The following RHBDF1 variants were observed in gnomAD, a reference collection of about 807,000 sequenced individuals.
The protein encoded by RHBDF1 is inactive rhomboid protein 1.
RHBDF1 carries 80 observed loss-of-function variants against 98.6 expected under a neutral mutation model. That is an observed-to-expected ratio of 0.81 (90% CI 0.68 to 0.98). The LOEUF is 0.98. RHBDF1 is among the 50% of genes least tolerant of loss of function. The probability of loss-of-function intolerance (pLI) is 0.00; values close to 1 mark genes in which losing one functional copy is unlikely to be tolerated. For missense variants in RHBDF1, 1,116 were observed against 1,198.3 expected (o/e 0.93, Z 1.01); for synonymous variants, 512 against 486.8 (o/e 1.05, Z -0.68).
chr16:61,358 C>A, intron 10 of RHBDF1, 27 bp downstream of exon 10: 1 of 1,559,652 alleles, frequency 6.4e-7, no homozygotes, highest in Non-Finnish European at 8.7e-7. Flanking sequence ...CCGCCCCCGC[C>A]GGCCCCGCCC....
chr16:71,039 C>T (rs957893298), intron 1 of RHBDF1, among the ~76,000 whole-genome samples: 1 of 152,294 alleles, frequency 6.6e-6, no homozygotes, highest in Admixed American at 6.5e-5. Flanking sequence ...ACTGGGGGTG[C>T]CCTGGGCAGG....
intron 15 of RHBDF1, 33 bp downstream of exon 15, chr16:59,386 G>A (rs1271077819): frequency 1.2e-6 from 2 of 1,612,538 alleles, no homozygotes; most frequent in Middle Eastern, 1.7e-4. Context: ...CAGTAGCTGG[G>A]GGAGGGGAAC....
intron 1 of RHBDF1, among the ~76,000 whole-genome samples, chr16:71,489 G>C (rs982826972): frequency 6.6e-6 from 1 of 152,180 alleles, no homozygotes. Context: ...GAGGAGAACC[G>C]AGCCTGGGAC....
chr16:59,481 A>G lies in RHBDF1; in HGVS notation c.1831T>C (p.Ser611Pro), dbSNP rs1385522076. 6.2e-7 allele frequency: 1 copy of G among 1,613,290 alleles called. No homozygotes were observed. The highest frequency in any genetic ancestry group is 8.5e-7 in the Non-Finnish European group (1 of 1,179,890). The change falls in exon 15 of 18, where the codon TCC (serine) becomes CCC (proline). Residue 611 changes from serine to proline, a missense_variant. Coordinates refer to ENST00000262316, the MANE Select transcript of RHBDF1 (RefSeq NM_022450.5). ...IGTKGRCEIT[S>P]REYCDFMRGY... is the part of the protein sequence containing the mutation. ...CTCATGAAGTCACAGTACTCCCGGG[A>G]GGTGATCTCACACCTAGAAAGGCAG...
chr16:64,370 A>C (rs2141856939), intron 3 of RHBDF1: 2 of 1,376,948 alleles, frequency 1.5e-6, no homozygotes, highest in Non-Finnish European at 1.9e-6. Context: ...CGCTGTGGGA[A>C]GGCCCTGCGG....
At chr16:72,733 A>T, upstream of RHBDF1, 1 of 977,674 alleles carries the variant, frequency 1.0e-6, no homozygotes, top group Non-Finnish European at 1.2e-6. Flanking sequence ...GCCCGGCCCA[A>T]GTCACCTCCT....
At chr16:75,610 G>A (rs559377660), upstream of RHBDF1, among the ~76,000 whole-genome samples, 1 of 152,176 alleles carries the variant, frequency 6.6e-6, no homozygotes, top group African/African-American at 2.4e-5. Flanking sequence ...GTTTGGCAAG[G>A]GGTTCCCATA....
intron 3 of RHBDF1, chr16:64,440 G>A (rs762205170): frequency 1.4e-6 from 2 of 1,468,494 alleles, no homozygotes; most frequent in Non-Finnish European, 1.8e-6. Flanking sequence ...CTTGTCGGCT[G>A]CTAAGAGGCA....
chr16:59,572 C>T, intron 14 of RHBDF1, 78 bp from the exon 15 acceptor site: 2 of 1,501,668 alleles, frequency 1.3e-6, no homozygotes, highest in East Asian at 2.3e-5. Context: ...GTTTCAGCCG[C>T]ACCTACCCAC....
At chr16:60,070 A>C in intron 13 of RHBDF1, 146 bp downstream of exon 13, 1 of 1,508,012 alleles carries the variant, frequency 6.6e-7, no homozygotes, top group Non-Finnish European at 8.9e-7. Flanking sequence ...GTTGATGGAC[A>C]GGCTGTACAA....
chr16:65,791 TC>T (rs1209804416), intron 1 of RHBDF1, among the ~76,000 whole-genome samples: 1 of 152,194 alleles, frequency 6.6e-6, no homozygotes, highest in Non-Finnish European at 1.5e-5. Flanking sequence ...GGCCCCAGGC[TC>T]CTGGGCACAA....
chr16:59,976 TC>T (rs1897546710), intron 13 of RHBDF1, 150 bp from the exon 14 acceptor site: 1 of 1,486,950 alleles, frequency 6.7e-7, no homozygotes, highest in South Asian at 1.4e-5. Context: ...ACACTGAGTC[TC>T]TATCAAACTG....
Position 58,567 on chromosome 16 carries a change from A to G in RHBDF1, c.2341T>C (p.Phe781Leu). Residue 781 changes from phenylalanine to leucine, a missense_variant, in exon 18 of 18, where the codon TTC (phenylalanine) becomes CTC (leucine). Phe to Leu is a conservative substitution (Grantham distance 22). Transcript: ENST00000262316. ...AHISGFISGL[F>L]LSFAFLPYIS... ...TAGGGCAAGAAGGCGAAGGAGAGGA[A>G]GAGGCCACTGATGAACCCTGAGATG... The G allele has an allele frequency of 1.9e-6, 3 of 1,613,942 alleles. No individual in the cohort carries two copies. The highest frequency in any genetic ancestry group is 2.5e-6 in the Non-Finnish European group (3 of 1,179,984).
In RHBDF1 at chr16:64,444, A is replaced by C. The variant is rs78772247; in HGVS notation, c.248+255T>G. ...CCCGAAGCGTACTTGTCGGCTGCTA[A>C]GAGGCAAGAGCATCCGGGCGGTGGA... On this transcript the variant is annotated intron_variant, in intron 3 of 17. Coordinates refer to ENST00000262316, the MANE Select transcript of RHBDF1 (RefSeq NM_022450.5). The C allele has an allele frequency of 5.6e-3, 8,236 of 1,473,298 alleles. 359 individuals are homozygous for C. In the African/African-American group the frequency reaches 0.099, roughly 18 times the overall value. The allele number at this position is 1,473,298 out of a possible 1,614,324, so 91.3% of individuals were successfully genotyped here. A position where few individuals can be genotyped will look rare whatever the true frequency, so the allele number is the denominator to read the frequency against.
Position 61,477 on chromosome 16 carries a change from G to A in RHBDF1, c.1321-18C>T, listed in dbSNP as rs199515718. ...CGCAGCACCTGGGAGGTTGGGGAGC[G>A]GGATCAGACGGGCCCCGACTCTGGC... is the stretch of plus-strand genomic sequence containing the variant. On this transcript the variant is annotated intron_variant, in intron 9 of 17. Transcript: ENST00000262316. 246 of 1,612,198 alleles carry A rather than the reference G, an allele frequency of 1.5e-4. No homozygotes were observed. Among genetic ancestry groups the A allele is most frequent in the Non-Finnish European group, 1.1e-4 (129 of 1,179,722 alleles).
In RHBDF1 at chr16:60,519, C is replaced by T; in HGVS notation, c.1578G>A (p.Val526=). 6.2e-7 allele frequency: 1 copy of T among 1,609,760 alleles called. No homozygotes were observed. Among genetic ancestry groups the T allele is most frequent in the Non-Finnish European group, 8.5e-7 (1 of 1,179,934 alleles). ...EECSSTLAVW[V]KWPIHPSAPE... is the part of the protein sequence containing the mutation. ...GGGCGCTGGGATGGATGGGCCACTTCACCCACACTGCCAGCGTGGACTGTG... is the reference window on the plus strand; with the variant it reads ...GGGCGCTGGGATGGATGGGCCACTTTACCCACACTGCCAGCGTGGACTGTG... The change falls in exon 12 of 18, where the codon GTG becomes GTA. Residue 526 remains valine (V), a synonymous_variant. Transcript: ENST00000262316.
chr16:64,490 G>C, intron 3 of RHBDF1: 1 of 1,528,674 alleles, frequency 6.5e-7, no homozygotes, highest in Admixed American at 2.0e-5. Flanking sequence ...GAGAGAGTGA[G>C]TGCTGAAGAG....
chr16:73,469 C>A (rs1312300933), upstream of RHBDF1, among the ~76,000 whole-genome samples: 1 of 152,182 alleles, frequency 6.6e-6, no homozygotes, highest in African/African-American at 2.4e-5. Flanking sequence ...TATCCCTGCA[C>A]AATCTGGGCT....
intron 7 of RHBDF1, 186 bp from the exon 8 acceptor site, chr16:62,238 C>T (rs1381691782): frequency 1.8e-5 from 15 of 831,568 alleles, no homozygotes; most frequent in Non-Finnish European, 2.7e-5. Context: ...GGAGCTGGAA[C>T]GGGGACACAC....
Sources: allele counts gnomAD v4.1 joint callset (sites outside exome capture counted in the v4.1 genomes callset), GRCh38; gene constraint gnomAD v4.1.1; transcripts MANE v1.5; gene names NCBI Gene and HGNC (gene_info 2026-07-23, HGNC 2026-07-21).